The following JADE2 variants were observed in gnomAD, a reference collection of about 807,000 sequenced individuals.
JADE2 encodes jade family PHD finger 2, also known as E3 ubiquitin-protein ligase Jade-2.
A neutral mutation model predicts 85.7 loss-of-function variants in JADE2; 13 were observed. The ratio of observed to expected loss-of-function variants is 0.15; its 90% CI spans 0.10 to 0.24. The LOEUF is 0.24. Among genes scored for constraint, JADE2 ranks in the 10% least tolerant of loss-of-function variants. JADE2 has a pLI of 1.00. For synonymous variants in JADE2, 440 were observed against 456.1 expected, an observed-to-expected ratio of 0.96 and a Z score of 0.45; for missense variants, 846 against 1,115.9, an observed-to-expected ratio of 0.76 and a Z score of 3.45.
rs1283678413 is a variant in JADE2 at position 134,565,681 on chromosome 5, A to G, written c.970-435A>G. Among the ~76,000 whole-genome samples the G allele has an allele frequency of 2.6e-5, 4 of 152,070 alleles. No homozygotes were observed. The East Asian group carries it at 5.8e-4, about 22-fold the overall frequency. ...CCAACATGGCGAAACCTCATCTCTA[A>G]AAATACAAAAACTAGGTGGTGCATG... is the stretch of plus-strand genomic sequence containing the variant. On this transcript the variant is annotated intron_variant, in intron 8 of 11. Coordinates refer to ENST00000681547, the MANE Select transcript of JADE2 (RefSeq NM_001388185.1).
At chr5:134,576,684 T>A in intron 10 of JADE2, 84 bp from the exon 11 acceptor site, 1 of 1,508,222 alleles carries the variant, frequency 6.6e-7, no homozygotes, top group Non-Finnish European at 9.0e-7. Flanking sequence ...GGAGGACTCC[T>A]GGGCTGCCAC....
chr5:134,541,371 G>A (rs370386777), intron 3 of JADE2, among the ~76,000 whole-genome samples: 13 of 152,354 alleles, frequency 8.5e-5, no homozygotes, highest in African/African-American at 3.1e-4. Flanking sequence ...AGATGAAAGC[G>A]AGGATTTGGC....
At chr5:134,576,189 ACTCT>A (rs1489059829) in intron 10 of JADE2, among the ~76,000 whole-genome samples, 2 of 151,838 alleles carry the variant, frequency 1.3e-5, no homozygotes, top group South Asian at 2.1e-4. Context: ...ACAGAGCAAG[ACTCT>A]CTCTCAAAAC....
chr5:134,553,362 CT>C (rs58473839), intron 4 of JADE2, among the ~76,000 whole-genome samples: 1 of 145,944 alleles, frequency 6.9e-6, no homozygotes, highest in Non-Finnish European at 1.5e-5. Context: ...TTATTCTTTT[CT>C]TTTTTTTTTG....
intron 9 of JADE2, among the ~76,000 whole-genome samples, chr5:134,571,270 AG>A (rs1180676592): frequency 3.3e-5 from 5 of 152,262 alleles, no homozygotes; most frequent in African/African-American, 1.2e-4. Flanking sequence ...TTATATCTAC[AG>A]AGACTCTATT....
intron 2 of JADE2, among the ~76,000 whole-genome samples, chr5:134,537,659 T>C (rs573249651): frequency 3.3e-5 from 5 of 151,766 alleles, no homozygotes; most frequent in African/African-American, 1.2e-4. Context: ...CAGGGTGGAG[T>C]GTGGGCATGA....
In JADE2 at chr5:134,578,487, C is replaced by A; in HGVS notation, c.1682-7C>A. On this transcript the variant is annotated splice_region_variant and splice_polypyrimidine_tract_variant and intron_variant, in intron 11 of 11. Transcript: ENST00000681547. The surrounding 1 kb of genome is among the most constrained non-coding windows in gnomAD (Gnocchi z 4.4). Reference sequence around the variant, plus strand: ...TGGCGTCTCACTTGCCTCCTCTCTCCCCTCAGCAGGCCTGTCCACCTCATT... The same window carrying A: ...TGGCGTCTCACTTGCCTCCTCTCTCACCTCAGCAGGCCTGTCCACCTCATT... 2 of 1,559,360 alleles carry A rather than the reference C, an allele frequency of 1.3e-6. No homozygotes were observed. The highest frequency in any genetic ancestry group is 1.7e-6 in the Non-Finnish European group (2 of 1,147,136).
intron 3 of JADE2, among the ~76,000 whole-genome samples, chr5:134,542,217 G>A (rs1762003474): frequency 6.6e-6 from 1 of 152,218 alleles, no homozygotes; most frequent in Non-Finnish European, 1.5e-5. Context: ...CTGAAGTCCT[G>A]AGCCTGGCCT....
Position 134,573,632 on chromosome 5 carries a change from CT to C in JADE2, c.1435-11del, listed in dbSNP as rs1322844467. Reference sequence around the variant, plus strand: ...CCTGTGAGTAAGGTGGAAAATCTCTCTTGTTTTCTCAGGTTAGAAATCTGTG... The same window carrying C: ...CCTGTGAGTAAGGTGGAAAATCTCTCTGTTTTCTCAGGTTAGAAATCTGTG... On this transcript the variant is annotated splice_polypyrimidine_tract_variant and intron_variant, in intron 9 of 11. Transcript: ENST00000681547. 2 of 1,599,044 alleles carry C rather than the reference CT, an allele frequency of 1.3e-6. No individual in the cohort carries two copies. The highest frequency in any genetic ancestry group is 2.2e-5 in the East Asian group (1 of 44,802).
chr5:134,546,943 G>C (rs1265329169), intron 3 of JADE2, among the ~76,000 whole-genome samples: 2 of 152,170 alleles, frequency 1.3e-5, no homozygotes, highest in African/African-American at 4.8e-5. Flanking sequence ...CAAAGTCCCA[G>C]GATGAAGTGT....
intron 9 of JADE2, among the ~76,000 whole-genome samples, chr5:134,568,459 C>T (rs1440233202): frequency 2.0e-5 from 3 of 152,192 alleles, no homozygotes; most frequent in Admixed American, 6.5e-5. Flanking sequence ...CTGAGGTTGG[C>T]GGGCTCTGGG....
Position 134,562,108 on chromosome 5 carries a change from A to C in JADE2, c.685-92A>C. On this transcript the variant is annotated intron_variant, in intron 6 of 11. Transcript: ENST00000681547. This position sits in a 1 kb window ranked among gnomAD's most constrained non-coding sequence, Gnocchi z 4.6. ...ATGGGAGGCTGTGTAGCAGTGTAGCATGGGGCTGGCACTGGACCAAATGCA... is the reference window on the plus strand; with the variant it reads ...ATGGGAGGCTGTGTAGCAGTGTAGCCTGGGGCTGGCACTGGACCAAATGCA... 7.9e-7 allele frequency: 1 copy of C among 1,270,642 alleles called. No homozygotes were observed. The highest frequency in any genetic ancestry group is 1.1e-6 in the Non-Finnish European group (1 of 912,852). 78.7% of individuals were successfully genotyped at this position (1,270,642 alleles called of 1,614,324 possible).
chr5:134,556,370 C>G (rs1440217404), intron 4 of JADE2, among the ~76,000 whole-genome samples: 4 of 152,116 alleles, frequency 2.6e-5, no homozygotes, highest in Non-Finnish European at 4.4e-5. Flanking sequence ...AAAGTGCCCC[C>G]TATATTCCAT....
chr5:134,543,522 T>A (rs1014773165), intron 3 of JADE2, among the ~76,000 whole-genome samples: 3 of 151,674 alleles, frequency 2.0e-5, no homozygotes, highest in Non-Finnish European at 2.9e-5. Flanking sequence ...AAAAAAATTT[T>A]AAAAATTAGC....
intron 3 of JADE2, among the ~76,000 whole-genome samples, chr5:134,550,274 C>T (rs796888712): frequency 1.2e-4 from 19 of 152,330 alleles, no homozygotes; most frequent in African/African-American, 4.3e-4. Context: ...CAAGCCAGGG[C>T]TGTCTCCATC....
chr5:134,534,791 A>T (rs576439389), intron 1 of JADE2, among the ~76,000 whole-genome samples: 3 of 152,144 alleles, frequency 2.0e-5, no homozygotes, highest in East Asian at 1.9e-4. Flanking sequence ...TGAGCCCCCA[A>T]TGTGTTCCCA....
intron 4 of JADE2, 49 bp downstream of exon 4, chr5:134,552,258 G>T: frequency 6.4e-7 from 1 of 1,561,848 alleles, no homozygotes; most frequent in Non-Finnish European, 8.7e-7. Flanking sequence ...GGGGAGGAAG[G>T]GGAGGCTGCT....
intron 2 of JADE2, among the ~76,000 whole-genome samples, chr5:134,537,600 A>G (rs1561728233): frequency 6.6e-6 from 1 of 152,162 alleles, no homozygotes; most frequent in Non-Finnish European, 1.5e-5. Flanking sequence ...CTGCCTCTGA[A>G]TACCCACTGG....
intron 2 of JADE2, chr5:134,536,789 G>C (rs958676530): frequency 2.0e-5 from 3 of 152,440 alleles, no homozygotes; most frequent in Non-Finnish European, 4.4e-5. Context: ...CCCTGCCAAG[G>C]AGGCCGGGCT....
Sources: gnomAD v4.1 joint callset for allele counts (sites outside exome capture counted in the v4.1 genomes callset) on GRCh38, gnomAD v4.1.1 for gene constraint, Gnocchi (gnomAD v3.1) non-coding constraint, MANE v1.5 for transcripts, NCBI Gene and HGNC (gene_info 2026-07-23, HGNC 2026-07-21) for gene names.